Variants in TTC23 observed in about 807,000 individuals in gnomAD.
The protein encoded by TTC23 is tetratricopeptide repeat domain 23.
Under a neutral mutation model 55.1 loss-of-function variants are expected in TTC23, and 58 were observed. The observed-to-expected ratio is 1.05, with a 90% CI of 0.85 to 1.31. The LOEUF (loss-of-function observed/expected upper bound fraction) is 1.31, where lower values mean the gene tolerates loss of function less well. Ranked by LOEUF, TTC23 falls within the 50% of genes most tolerant of loss-of-function variation. The pLI is 0.00. For synonymous variants in TTC23, 203 were observed against 199.9 expected (o/e 1.02, Z -0.13); for missense variants, 516 against 534.4 (o/e 0.97, Z 0.34).
intron 5 of TTC23, 144 bp downstream of exon 5, chr15:99,228,389 T>A: frequency 1.6e-6 from 1 of 634,730 alleles, no homozygotes; most frequent in Non-Finnish European, 2.5e-6. Flanking sequence ...CATTCATTCA[T>A]GTTATAACAA....
chr15:99,222,026 A>C (rs977761414), intron 5 of TTC23, among the ~76,000 whole-genome samples, 162 bp from the exon 6 acceptor site: 1 of 152,202 alleles, frequency 6.6e-6, no homozygotes, highest in Non-Finnish European at 1.5e-5. Context: ...ACAGACAAAG[A>C]TCTATTTGGG....
intron 12 of TTC23, among the ~76,000 whole-genome samples, chr15:99,146,673 T>C (rs2068901656): frequency 6.6e-6 from 1 of 152,206 alleles, no homozygotes; most frequent in African/African-American, 2.4e-5. Context: ...GTTCTGATGT[T>C]TGAGGAGCTT....
At chr15:99,232,372 G>A (rs1332200105) in intron 4 of TTC23, among the ~76,000 whole-genome samples, 2 of 151,344 alleles carry the variant, frequency 1.3e-5, no homozygotes, top group East Asian at 2.0e-4. Context: ...CCAGCTACTC[G>A]GGAGGCTGAG....
chr15:99,186,935 T>C (rs914687586), intron 9 of TTC23, among the ~76,000 whole-genome samples: 1 of 152,120 alleles, frequency 6.6e-6, no homozygotes, highest in African/African-American at 2.4e-5. Context: ...TTGTTTTGTT[T>C]TGTTTTTTGC....
chr15:99,221,985 T>C, intron 5 of TTC23, 121 bp from the exon 6 acceptor site: 1 of 1,151,706 alleles, frequency 8.7e-7, no homozygotes, highest in Non-Finnish European at 1.2e-6. Flanking sequence ...AAAACATTGT[T>C]CTAAGCACTT....
chr15:99,142,288 G>T (rs1378648559), intron 12 of TTC23, among the ~76,000 whole-genome samples: 2 of 152,176 alleles, frequency 1.3e-5, no homozygotes, highest in African/African-American at 4.8e-5. Context: ...GAGGCAAGAT[G>T]CTTCCCCCAC....
chr15:99,146,241 A>G (rs1555493242), intron 12 of TTC23, among the ~76,000 whole-genome samples: 1 of 152,218 alleles, frequency 6.6e-6, no homozygotes, highest in Non-Finnish European at 1.5e-5. Flanking sequence ...TTTCAAGTGG[A>G]GCCGGCTTTT....
intron 12 of TTC23, among the ~76,000 whole-genome samples, chr15:99,148,882 C>T (rs909849473): frequency 1.3e-5 from 2 of 152,320 alleles, no homozygotes; most frequent in South Asian, 2.1e-4. Context: ...GTTTCCTTTT[C>T]GGTGATTTAA....
chr15:99,212,662 C>T (rs2152029232), intron 8 of TTC23, among the ~76,000 whole-genome samples: 1 of 152,166 alleles, frequency 6.6e-6, no homozygotes, highest in Admixed American at 6.5e-5. Context: ...CATAAAAGGA[C>T]AGGCAGGGCA....
intron 9 of TTC23, among the ~76,000 whole-genome samples, chr15:99,187,460 A>AAAC (rs1555512718): frequency 7.0e-6 from 1 of 142,926 alleles, no homozygotes; most frequent in Non-Finnish European, 1.5e-5. Context: ...AGCAAAAAAA[A>AAAC]AAAAAAAACA....
At chr15:99,209,820 T>C (rs977834823) in intron 8 of TTC23, among the ~76,000 whole-genome samples, 9 of 152,194 alleles carry the variant, frequency 5.9e-5, no homozygotes, top group African/African-American at 2.2e-4. Context: ...CTGCAACCTC[T>C]GCCTCCCGGT....
chr15:99,194,970 TA>T (rs1195834082), intron 9 of TTC23, among the ~76,000 whole-genome samples: 1 of 152,164 alleles, frequency 6.6e-6, no homozygotes, highest in Admixed American at 6.5e-5. Context: ...TGCAAAACTA[TA>T]AAACTCCTAG....
At chr15:99,204,655 T>TTTTTTTTTTTTTC (rs2076471281) in intron 8 of TTC23, among the ~76,000 whole-genome samples, 1 of 145,636 alleles carries the variant, frequency 6.9e-6, no homozygotes, top group Non-Finnish European at 1.5e-5. Flanking sequence ...TTTTTTTTTT[T>TTTTTTTTTTTTTC]AGACAGGTCT....
chr15:99,175,145 A>C lies in TTC23; in HGVS notation c.770T>G (p.Ile257Ser). The C allele has an allele frequency of 6.2e-7, 1 of 1,613,628 alleles. No homozygotes were observed. The highest frequency in any genetic ancestry group is 8.5e-7 in the Non-Finnish European group (1 of 1,179,720). ...TTGAGAGGGGCTTCTACTCAGGATG[A>C]TAAGATGTGCCTGTCACCACAGAAA... Reference protein sequence around the residue: ...SINHFLQAHLIILSRSPSQVE... With the variant: ...SINHFLQAHLSILSRSPSQVE... The change falls in exon 10 of 14, where the codon ATC (isoleucine) becomes AGC (serine). Residue 257 changes from isoleucine to serine, a missense_variant. By Grantham distance (142) the Ile-to-Ser change is moderately radical. Transcript: ENST00000394132.
chr15:99,194,526 G>A (rs546950502), intron 9 of TTC23, among the ~76,000 whole-genome samples: 4 of 135,818 alleles, frequency 2.9e-5, no homozygotes, highest in South Asian at 4.8e-4. Flanking sequence ...TCAACAAACC[G>A]TGCTGGAAAA....
chr15:99,233,680 A>C (rs1260736600), intron 4 of TTC23, among the ~76,000 whole-genome samples: 5 of 152,230 alleles, frequency 3.3e-5, no homozygotes, highest in Admixed American at 2.0e-4. Context: ...TACGATCAGA[A>C]ACAAGACAAG....
rs951451678 is a variant in TTC23 at position 99,189,554 on chromosome 15, T to A, written c.759+10365A>T. 2.0e-5 allele frequency among the ~76,000 whole-genome samples: 3 copies of A among 152,086 alleles called. No homozygotes were observed. The South Asian group carries it at 6.3e-4, about 32-fold the overall frequency. ...ATTAGTATCACCAGAAAAGGACAGA[T>A]GGATTTCATGTGCCTCTGAATGAAA... On this transcript the variant is annotated intron_variant, in intron 9 of 13. Coordinates refer to ENST00000394132, the MANE Select transcript of TTC23 (RefSeq NM_001288615.3).
At chr15:99,226,309 CT>C (rs77930347) in intron 5 of TTC23, among the ~76,000 whole-genome samples, 12,132 of 152,138 alleles carry the variant, frequency 0.08, 761 homozygotes, top group East Asian at 0.3. Flanking sequence ...AAGGGAATAG[CT>C]TTATTCTTAG....
At chr15:99,163,288 G>A (rs2071634801) in intron 10 of TTC23, among the ~76,000 whole-genome samples, 1 of 152,190 alleles carries the variant, frequency 6.6e-6, no homozygotes. Context: ...GATGGAGAGG[G>A]ATATAGTGGA....
Sources: allele counts gnomAD v4.1 joint callset (sites outside exome capture counted in the v4.1 genomes callset), GRCh38; gene constraint gnomAD v4.1.1; transcripts MANE v1.5; gene names NCBI Gene and HGNC (gene_info 2026-07-23, HGNC 2026-07-21).